MYBPC2: variants seen among roughly 807,000 people sequenced by gnomAD.
MYBPC2 encodes the protein myosin binding protein C2.
A neutral mutation model predicts 137.0 loss-of-function variants in MYBPC2; 122 were observed. That is an observed-to-expected ratio of 0.89 (90% CI 0.77 to 1.03). The LOEUF (loss-of-function observed/expected upper bound fraction) is 1.03, where lower values mean the gene tolerates loss of function less well. MYBPC2 is among the 50% of genes least tolerant of loss of function. MYBPC2 has a pLI of 0.00. For missense variants in MYBPC2, 1,500 were observed against 1,534.4 expected (o/e 0.98, Z 0.37); for synonymous variants, 626 against 612.3 (o/e 1.02, Z -0.33).
At chr19:50,448,777 CTTT>C (rs71182719) in intron 13 of MYBPC2, among the ~76,000 whole-genome samples, 51 of 123,696 alleles carry the variant, frequency 4.1e-4, no homozygotes, top group Admixed American at 5.9e-4. Flanking sequence ...TTTCTTTTTC[CTTT>C]TTTTTTTTTT....
At position 50,454,036 on chromosome 19, in the gene MYBPC2, A is replaced by C. The variant is rs1468830105; in HGVS notation, c.1766A>C (p.Glu589Ala). 6.2e-7 allele frequency: 1 copy of C among 1,604,564 alleles called. No individual in the cohort carries two copies. The highest frequency in any genetic ancestry group is 8.5e-7 in the Non-Finnish European group (1 of 1,176,064). ...TGCGTTCAGGTATTCACGACCACCG[A>C]GGGCAGGACCCGCATCGAGAAGCGG... The part of the protein sequence containing the change: ...LKGDEVFTTT[E>A]GRTRIEKRVD... The change falls in exon 17 of 28, where the codon GAG becomes GCG. Residue 589 changes from glutamate to alanine, a missense_variant. Physicochemically the swap from Glu to Ala is moderately radical, Grantham distance 107. Transcript: ENST00000357701.
rs762699139 is a variant in MYBPC2, at chr19:50,455,248, A to C, written c.2155A>C (p.Ile719Leu). The C allele has an allele frequency of 6.2e-7, 1 of 1,613,696 alleles. No individual in the cohort carries two copies. The highest frequency in any genetic ancestry group is 1.3e-5 in the African/African-American group (1 of 74,914). The part of the protein sequence containing the change: ...YEMRVFAVNA[I>L]GVSQPSMNTK... ...GATGCGTGTCTTCGCCGTCAATGCT[A>C]TAGGGGTCTCCCAGCCCAGCATGAA... The change falls in exon 19 of 28, where the codon ATA becomes CTA. Residue 719 changes from isoleucine (I) to leucine (L), a missense_variant. By Grantham distance (5) the Ile-to-Leu change is conservative (BLOSUM62 2). Coordinates refer to ENST00000357701, the MANE Select transcript of MYBPC2 (RefSeq NM_004533.4).
In MYBPC2 at chr19:50,437,513, C is replaced by A. The variant is rs1413086135; in HGVS notation, c.504C>A (p.Phe168Leu). The A allele has an allele frequency of 6.2e-7, 1 of 1,610,588 alleles. No homozygotes were observed. The highest frequency in any genetic ancestry group is 8.5e-7 in the Non-Finnish European group (1 of 1,178,486). ...QDASGQSLES[F>L]KRTSEKKSDT... ...CCTCTGGGCAGAGTCTAGAAAGCTT[C>A]AAGCGTACGTAAGTGACCCCAGGCC... Residue 168 changes from phenylalanine (F) to leucine (L), a missense_variant, in exon 6 of 28, where the codon TTC becomes TTA. Transcript: ENST00000357701.
chr19:50,448,259 T>A lies in MYBPC2; in HGVS notation c.1341T>A (p.Asp447Glu). The change falls in exon 13 of 28, where the codon GAT becomes GAA. Residue 447 changes from aspartate to glutamate, a missense_variant. Coordinates refer to ENST00000357701, the MANE Select transcript of MYBPC2 (RefSeq NM_004533.4). ...TGGAGGTCCTGCAGGACATCGCGGA[T>A]CTGACGGTGAAGGCCTCAGAACAAG... ...KQLEVLQDIA[D>E]LTVKASEQAV... The A allele has an allele frequency of 1.2e-6, 2 of 1,613,760 alleles. No homozygotes were observed. Among genetic ancestry groups the A allele is most frequent in the Non-Finnish European group, 8.5e-7 (1 of 1,179,768 alleles).
chr19:50,441,885 AAAAT>A lies in MYBPC2; in HGVS notation c.770-284_770-281del, dbSNP rs557164691. 6.8e-3 allele frequency among the ~76,000 whole-genome samples: 1,035 copies of A among 151,180 alleles called. 13 individuals are homozygous for A. The highest frequency in any genetic ancestry group is 0.024 in the African/African-American group (976 of 41,018). ...AAAATAAAATAAAATAAAATAAAAT[AAAAT>A]AAATAAATAAAAATAAAGCTGTTTT... On this transcript the variant is annotated intron_variant, in intron 8 of 27. Coordinates refer to ENST00000357701, the MANE Select transcript of MYBPC2 (RefSeq NM_004533.4).
intron 16 of MYBPC2, among the ~76,000 whole-genome samples, chr19:50,452,302 G>C (rs905462251): frequency 6.6e-6 from 1 of 152,098 alleles, no homozygotes; most frequent in Non-Finnish European, 1.5e-5. Context: ...TCAACTAATT[G>C]GTTAATTCAC....
intron 8 of MYBPC2, among the ~76,000 whole-genome samples, chr19:50,441,432 T>G (rs755388118): frequency 2.0e-5 from 3 of 152,138 alleles, no homozygotes; most frequent in Non-Finnish European, 4.4e-5. Flanking sequence ...CTCTAGGTAA[T>G]TAAAAGTGGG....
intron 26 of MYBPC2, 169 bp from the exon 27 acceptor site, chr19:50,464,177 T>C: frequency 1.7e-6 from 1 of 600,750 alleles, no homozygotes; most frequent in Non-Finnish European, 2.9e-6. Flanking sequence ...ATTATCAACC[T>C]GCTTTTACAT....
At chr19:50,433,473 C>T (rs192501893) in intron 1 of MYBPC2, among the ~76,000 whole-genome samples, 3 of 151,640 alleles carry the variant, frequency 2.0e-5, no homozygotes, top group Admixed American at 6.6e-5. Context: ...GGTGCGATCT[C>T]GGCTCACTAC....
In MYBPC2 at chr19:50,438,702, C is replaced by CA. The variant is rs199860818; in HGVS notation, c.572+992dup. ...GCCACATAGGGAGACCCTGACTCTA[C>CA]AAAAAAAAGAAAAATTAGCAGGGCA... On this transcript the variant is annotated intron_variant, in intron 7 of 27. Transcript: ENST00000357701. Among the ~76,000 whole-genome samples the CA allele has an allele frequency of 4.7e-3, 706 of 151,184 alleles. 6 individuals carry two copies. The highest frequency in any genetic ancestry group is 7.4e-3 in the Non-Finnish European group (502 of 67,740).
intron 5 of MYBPC2, among the ~76,000 whole-genome samples, chr19:50,437,081 G>A (rs1056576634): frequency 6.6e-6 from 1 of 152,068 alleles, no homozygotes; most frequent in African/African-American, 2.4e-5. Context: ...GAGTGAGGGT[G>A]TACAGGATTA....
Position 50,465,695 on chromosome 19 carries a change from T to C in MYBPC2, c.3416-500T>C, listed in dbSNP as rs2040009379. ...TGTCTCTACTAAAAATACAAAAAAA[T>C]TTAGCCGGGCCTGGTGGCACATGCC... On this transcript the variant is annotated intron_variant, in intron 27 of 27. Coordinates refer to ENST00000357701, the MANE Select transcript of MYBPC2 (RefSeq NM_004533.4). The surrounding 1 kb of genome is among the most constrained non-coding windows in gnomAD (Gnocchi z 4.5). 6.6e-6 allele frequency among the ~76,000 whole-genome samples: 1 copy of C among 151,988 alleles called. No homozygotes were observed. Among genetic ancestry groups the C allele is most frequent in the African/African-American group, 2.4e-5 (1 of 41,390 alleles).
At position 50,436,120 on chromosome 19, in the gene MYBPC2, C is replaced by A. The variant is rs747737851; in HGVS notation, c.305C>A (p.Ala102Asp). The A allele has an allele frequency of 6.3e-7, 1 of 1,580,962 alleles. No homozygotes were observed. Among genetic ancestry groups the A allele is most frequent in the Non-Finnish European group, 8.6e-7 (1 of 1,164,028 alleles). ...KWLELGSKSG[A>D]RFSFKESHNS... is the part of the protein sequence containing the mutation. The stretch of plus-strand genomic sequence containing the variant: ...CTGGAGCTGGGCAGCAAGAGTGGCG[C>A]CCGCTTCTCCTTCAAGGAGTCCCAC... The change falls in exon 4 of 28, where the codon GCC becomes GAC. Residue 102 changes from alanine (A) to aspartate (D), a missense_variant. Coordinates refer to ENST00000357701, the MANE Select transcript of MYBPC2 (RefSeq NM_004533.4).
intron 20 of MYBPC2, among the ~76,000 whole-genome samples, chr19:50,458,127 T>C (rs2039930492): frequency 6.6e-6 from 1 of 151,152 alleles, no homozygotes; most frequent in Admixed American, 6.6e-5. Context: ...CTGGCCAACA[T>C]GGTGAAACCC....
At chr19:50,452,516 CTATCTATCTATCTATCTATCTATG>C (rs2039870819) in intron 16 of MYBPC2, among the ~76,000 whole-genome samples, 1 of 84,148 alleles carries the variant, frequency 1.2e-5, no homozygotes, top group Non-Finnish European at 2.6e-5. Context: ...ATGTATCTAT[CTATCTATCTATCTATCTATCTATG>C]TATCTATCTA....
At chr19:50,443,072 G>C (rs1476513379) in intron 9 of MYBPC2, among the ~76,000 whole-genome samples, 1 of 151,976 alleles carries the variant, frequency 6.6e-6, no homozygotes, top group Non-Finnish European at 1.5e-5. Flanking sequence ...CCCTGCCATG[G>C]TTATTTAAAT....
Position 50,435,239 on chromosome 19 carries a change from A to G in MYBPC2, c.98A>G (p.Glu33Gly). 1.6e-6 allele frequency: 2 copies of G among 1,246,962 alleles called. No homozygotes were observed. The highest frequency in any genetic ancestry group is 2.3e-6 in the Non-Finnish European group (2 of 857,366). 77.2% of individuals were successfully genotyped at this position (1,246,962 alleles called of 1,614,324 possible). ...GCTCCCCCTAAGGAGGCTCCTGCAG[A>G]GGCCCCCAAAGGTGAGGAGGTGCTC... Reference protein sequence around the residue: ...KEAPPKEAPAEAPKEAPPEDQ... With the variant: ...KEAPPKEAPAGAPKEAPPEDQ... The change falls in exon 2 of 28, where the codon GAG becomes GGG. Residue 33 changes from glutamate (E) to glycine (G), a missense_variant. Glu to Gly is a moderately conservative substitution (Grantham distance 98, BLOSUM62 -2). Transcript: ENST00000357701. This position sits in a 1 kb window ranked among gnomAD's most constrained non-coding sequence, Gnocchi z 4.8.
At position 50,458,766 on chromosome 19, in the gene MYBPC2, CT is replaced by C. The variant is rs2039938580; in HGVS notation, c.2506+13del. ...CAGGGAGATTGCGGGTGCGTGGCCC[CT>C]GACCCTGCGCTCCGAAAGACCAAGC... On this transcript the variant is annotated intron_variant, in intron 21 of 27. Transcript: ENST00000357701. 2.5e-6 allele frequency: 4 copies of C among 1,606,468 alleles called. No homozygotes were observed. Among genetic ancestry groups the C allele is most frequent in the Non-Finnish European group, 3.4e-6 (4 of 1,179,556 alleles).
intron 24 of MYBPC2, 145 bp from the exon 25 acceptor site, chr19:50,461,397 T>C: frequency 1.2e-6 from 1 of 844,878 alleles, no homozygotes; most frequent in South Asian, 1.7e-5. Context: ...TTCCACCTGT[T>C]GGCCACTGTG....
Sources: allele counts gnomAD v4.1 joint callset (sites outside exome capture counted in the v4.1 genomes callset), GRCh38; gene constraint gnomAD v4.1.1; non-coding constraint Gnocchi (gnomAD v3.1); transcripts MANE v1.5; gene names NCBI Gene and HGNC (gene_info 2026-07-23, HGNC 2026-07-21).